NRXN3: variants seen among roughly 807,000 people sequenced by gnomAD.
The protein encoded by NRXN3 is neurexin 3, also known as neurexin III.
A neutral mutation model predicts 137.6 loss-of-function variants in NRXN3; 32 were observed. That is an observed-to-expected ratio of 0.23 (90% CI 0.18 to 0.31). The LOEUF is 0.31. Ranked by LOEUF, NRXN3 falls within the 10% of genes least tolerant of loss-of-function variation. The pLI is 1.00. For synonymous variants in NRXN3, 798 were observed against 784.5 expected (o/e 1.02, Z -0.29); for missense variants, 1,574 against 2,062.5 (o/e 0.76, Z 4.59).
At chr14:78,519,462 T>G (rs1466541792) in intron 4 of NRXN3, among the ~76,000 whole-genome samples, 1 of 152,196 alleles carries the variant, frequency 6.6e-6, no homozygotes, top group Admixed American at 6.5e-5. Context: ...ATTGAAATGA[T>G]TCCTCATTAT....
At chr14:79,156,295 T>A (rs1235015113) in intron 15 of NRXN3, among the ~76,000 whole-genome samples, 4 of 151,892 alleles carry the variant, frequency 2.6e-5, no homozygotes, top group Non-Finnish European at 5.9e-5. Context: ...GGCAATCTGA[T>A]CTGGCACCTG....
In NRXN3 at chr14:78,992,948, C is replaced by T. The variant is rs148783179; in HGVS notation, c.3262+4807C>T. On this transcript the variant is annotated intron_variant, in intron 15 of 20. Transcript: ENST00000335750. ...AAGGGAATGAACGTGGGTCCTCAGC[C>T]CACCCTTAGGAGCTGGCCACCCTGT... 3.1e-4 allele frequency among the ~76,000 whole-genome samples: 47 copies of T among 152,222 alleles called. 2 individuals carry two copies. In the East Asian group the frequency reaches 8.7e-3, roughly 28 times the overall value.
At chr14:78,613,633 G>A (rs752967831) in intron 4 of NRXN3, among the ~76,000 whole-genome samples, 6 of 146,432 alleles carry the variant, frequency 4.1e-5, no homozygotes, top group Non-Finnish European at 5.9e-5. Flanking sequence ...CTAGCCAGAG[G>A]ACTTAGGGTC....
chr14:79,100,019 A>C (rs2050984347), intron 15 of NRXN3, among the ~76,000 whole-genome samples: 1 of 152,224 alleles, frequency 6.6e-6, no homozygotes, highest in Non-Finnish European at 1.5e-5. Flanking sequence ...AAGTTGATGA[A>C]TGAAAGATGT....
chr14:78,185,001 G>A (rs1434265972), intron 1 of NRXN3, among the ~76,000 whole-genome samples: 1 of 152,196 alleles, frequency 6.6e-6, no homozygotes, highest in East Asian at 1.9e-4. Flanking sequence ...GAGTGAGAGA[G>A]AAGAAGGGAA....
chr14:79,754,438 C>T (rs2099010429), intron 19 of NRXN3, among the ~76,000 whole-genome samples: 1 of 146,610 alleles, frequency 6.8e-6, no homozygotes, highest in African/African-American at 2.5e-5. Context: ...ATTTTGTATC[C>T]ACAGGGGTCC....
At chr14:79,074,476 T>G (rs1296977885) in intron 15 of NRXN3, 2 of 152,246 alleles carry the variant, frequency 1.3e-5, no homozygotes, top group African/African-American at 4.8e-5. Flanking sequence ...AAGACCTAGA[T>G]ACTAGGGGTC....
chr14:79,701,408 C>T (rs2098754076), intron 19 of NRXN3, among the ~76,000 whole-genome samples: 1 of 152,094 alleles, frequency 6.6e-6, no homozygotes, highest in African/African-American at 2.4e-5. Flanking sequence ...TGATTGTGTT[C>T]ACTCAGTGGC....
At chr14:79,791,422 A>G (rs1022904706) in intron 19 of NRXN3, among the ~76,000 whole-genome samples, 4 of 148,114 alleles carry the variant, frequency 2.7e-5, no homozygotes, top group South Asian at 2.1e-4. Context: ...TTTGGCTCCT[A>G]TAATAGGAGC....
chr14:78,335,056 C>T (rs745644542), intron 4 of NRXN3, among the ~76,000 whole-genome samples: 5 of 152,142 alleles, frequency 3.3e-5, no homozygotes, highest in Non-Finnish European at 5.9e-5. Flanking sequence ...CCCAGGCTCT[C>T]ACCCCAAGGC....
At chr14:79,478,101 G>T (rs1402893965) in intron 16 of NRXN3, among the ~76,000 whole-genome samples, 1 of 151,454 alleles carries the variant, frequency 6.6e-6, no homozygotes, top group Non-Finnish European at 1.5e-5. Flanking sequence ...ACAGTGGAAG[G>T]TTTAAGGAGT....
At chr14:78,709,065 T>G (rs1009033509) in intron 6 of NRXN3, 152 bp from the exon 7 acceptor site, 9 of 640,424 alleles carry the variant, frequency 1.4e-5, no homozygotes, top group Non-Finnish European at 2.1e-5. Context: ...TTCAGATACC[T>G]TTTTGGTTCC....
chr14:79,001,548 T>G (rs954025927), intron 15 of NRXN3, among the ~76,000 whole-genome samples: 2 of 152,238 alleles, frequency 1.3e-5, no homozygotes, highest in African/African-American at 4.8e-5. Context: ...TACTTCTTTC[T>G]CCCTGGAAGG....
At chr14:79,785,965 C>A (rs2099128147) in intron 19 of NRXN3, among the ~76,000 whole-genome samples, 1 of 151,828 alleles carries the variant, frequency 6.6e-6, no homozygotes, top group African/African-American at 2.4e-5. Context: ...ACCTCCAGGT[C>A]ACCTGTGTTC....
intron 4 of NRXN3, among the ~76,000 whole-genome samples, chr14:78,552,985 A>T (rs1208837653): frequency 6.6e-6 from 1 of 152,184 alleles, no homozygotes; most frequent in East Asian, 1.9e-4. Flanking sequence ...AACTATGTAC[A>T]TCTATTATAC....
chr14:79,825,502 G>A (rs1290095178), intron 20 of NRXN3, among the ~76,000 whole-genome samples: 3 of 152,172 alleles, frequency 2.0e-5, no homozygotes, highest in Non-Finnish European at 4.4e-5. Flanking sequence ...CAAAGAATAA[G>A]CTTCAATGTC....
At chr14:79,849,437 T>G (rs1257959234) in intron 20 of NRXN3, among the ~76,000 whole-genome samples, 3 of 152,096 alleles carry the variant, frequency 2.0e-5, no homozygotes, top group African/African-American at 7.2e-5. Flanking sequence ...ATTTTAAAAA[T>G]AGACAAAGTA....
chr14:79,707,772 A>C (rs2154045231), intron 19 of NRXN3, among the ~76,000 whole-genome samples: 1 of 152,286 alleles, frequency 6.6e-6, no homozygotes, highest in African/African-American at 2.4e-5. Flanking sequence ...TATCTAGCAT[A>C]GTGTCTTGGG....
intron 15 of NRXN3, among the ~76,000 whole-genome samples, chr14:79,338,976 T>C (rs1341722860): frequency 6.6e-6 from 1 of 152,168 alleles, no homozygotes; most frequent in Non-Finnish European, 1.5e-5. Context: ...AGAAGAAAAG[T>C]TGGGCATTCT....
Sources: allele counts gnomAD v4.1 joint callset (sites outside exome capture counted in the v4.1 genomes callset), GRCh38; gene constraint gnomAD v4.1.1; transcripts MANE v1.5; gene names NCBI Gene and HGNC (gene_info 2026-07-23, HGNC 2026-07-21).